GLDN: variants seen among roughly 807,000 people sequenced by gnomAD.
GLDN encodes collomin.
A neutral mutation model predicts 56.5 loss-of-function variants in GLDN; 47 were observed. The ratio of observed to expected loss-of-function variants is 0.83; its 90% confidence interval spans 0.66 to 1.06. The LOEUF (loss-of-function observed/expected upper bound fraction) is 1.06. GLDN is among the 50% of genes least tolerant of loss of function. The pLI is 0.00. For synonymous variants in GLDN, 332 were observed against 278.8 expected, an observed-to-expected ratio of 1.19 and a Z score of -1.90; for missense variants, 782 against 714.3, an observed-to-expected ratio of 1.09 and a Z score of -1.08.
Position 51,404,923 on chromosome 15 carries a change from T to C in GLDN, c.*169T>C. Reference sequence around the variant, plus strand: ...AGTGAAATAGCAACAGATTGGAAGTTGAAATGGCTGAGATTTGGTGATCTC... The same window carrying C: ...AGTGAAATAGCAACAGATTGGAAGTCGAAATGGCTGAGATTTGGTGATCTC... On this transcript the variant is annotated 3_prime_UTR_variant, in exon 10 of 10. Transcript: ENST00000335449. The C allele has an allele frequency of 1.7e-6, 1 of 594,812 alleles. No homozygotes were observed. The allele number at this position is 594,812 out of a possible 1,614,324, so 36.8% of individuals were successfully genotyped here. A position where few individuals can be genotyped will look rare whatever the true frequency, so the allele number is the denominator to read the frequency against.
At chr15:51,351,371 C>T (rs191245751) in intron 1 of GLDN, among the ~76,000 whole-genome samples, 57 of 152,126 alleles carry the variant, frequency 3.7e-4, no homozygotes, top group Admixed American at 5.9e-4. Context: ...GCCACTATGC[C>T]GGGGAAAAAA....
rs1049059514 is a variant in GLDN at position 51,404,935 on chromosome 15, G to C, written c.*181G>C. Reference sequence around the variant, plus strand: ...ACAGATTGGAAGTTGAAATGGCTGAGATTTGGTGATCTCCCCACAGCTGGC... The same window carrying C: ...ACAGATTGGAAGTTGAAATGGCTGACATTTGGTGATCTCCCCACAGCTGGC... On this transcript the variant is annotated 3_prime_UTR_variant, in exon 10 of 10. Transcript: ENST00000335449. 5.2e-6 allele frequency: 3 copies of C among 574,498 alleles called. No individual in the cohort carries two copies. The highest frequency in any genetic ancestry group is 2.1e-5 in the South Asian group (1 of 48,154). The allele number at this position is 574,498 out of a possible 1,614,324, so 35.6% of individuals were successfully genotyped here.
Position 51,404,370 on chromosome 15 carries a change from C to T in GLDN, c.1272C>T (p.Tyr424=), listed in dbSNP as rs1195084104. ...RKYLFANSKT[Y]FNLAVDEKGL... ...ACCTTTTTGCAAATTCCAAAACTTA[C>T]TTCAATCTAGCTGTAGATGAAAAGG... Residue 424 remains tyrosine, a synonymous_variant, in exon 10 of 10, where the codon TAC becomes TAT. Transcript: ENST00000335449. The T allele has an allele frequency of 1.2e-6, 2 of 1,613,976 alleles. No individual in the cohort carries two copies. Among genetic ancestry groups the T allele is most frequent in the Non-Finnish European group, 1.7e-6 (2 of 1,180,018 alleles).
chr15:51,400,358 C>A lies in GLDN; in HGVS notation c.902-15C>A. Reference sequence around the variant, plus strand: ...ATTGGCAGGCAAGTGACTTTCTTTTCTCTTCTTTTGGCAGAATCCATGATC... The same window carrying A: ...ATTGGCAGGCAAGTGACTTTCTTTTATCTTCTTTTGGCAGAATCCATGATC... On this transcript the variant is annotated splice_polypyrimidine_tract_variant and intron_variant, in intron 7 of 9. Transcript: ENST00000335449. 62 of 1,614,156 alleles carry A rather than the reference C, an allele frequency of 3.8e-5. No individual in the cohort carries two copies. Among genetic ancestry groups the A allele is most frequent in the Non-Finnish European group, 5.2e-5 (61 of 1,180,024 alleles).
intron 1 of GLDN, among the ~76,000 whole-genome samples, chr15:51,348,353 G>A (rs2037016257): frequency 6.6e-6 from 1 of 151,228 alleles, no homozygotes; most frequent in Non-Finnish European, 1.5e-5. Context: ...TTATTTTAGA[G>A]ACAAGGTCTT....
chr15:51,345,751 CAG>C (rs1354724093), intron 1 of GLDN, among the ~76,000 whole-genome samples: 1 of 151,842 alleles, frequency 6.6e-6, no homozygotes, highest in Non-Finnish European at 1.5e-5. Flanking sequence ...GAGGACCAGC[CAG>C]AGCAACAAGA....
chr15:51,391,295 G>C (rs988863557), intron 4 of GLDN, among the ~76,000 whole-genome samples: 4 of 152,116 alleles, frequency 2.6e-5, no homozygotes, highest in Non-Finnish European at 4.4e-5. Context: ...TGGCCTTTCC[G>C]AGAAAGAAAA....
intron 4 of GLDN, among the ~76,000 whole-genome samples, chr15:51,387,976 G>A (rs1292341758): frequency 2.6e-5 from 4 of 152,154 alleles, no homozygotes; most frequent in Non-Finnish European, 5.9e-5. Flanking sequence ...AACAGGCCAA[G>A]CTCACCCTTG....
chr15:51,365,782 G>C (rs1217923145), intron 1 of GLDN, among the ~76,000 whole-genome samples: 1 of 150,882 alleles, frequency 6.6e-6, no homozygotes, highest in African/African-American at 2.5e-5. Context: ...TTCATTCTTG[G>C]GTTCTTCTTC....
At chr15:51,389,489 G>T (rs2037970324) in intron 4 of GLDN, among the ~76,000 whole-genome samples, 1 of 152,176 alleles carries the variant, frequency 6.6e-6, no homozygotes, top group Admixed American at 6.5e-5. Context: ...AGGCAATACT[G>T]CCAGAAGAAA....
chr15:51,374,216 T>A (rs951741771), intron 1 of GLDN, among the ~76,000 whole-genome samples: 1 of 152,230 alleles, frequency 6.6e-6, no homozygotes, highest in African/African-American at 2.4e-5. Context: ...GAAAGGCTAA[T>A]TTTCCCTATT....
intron 4 of GLDN, among the ~76,000 whole-genome samples, chr15:51,393,647 C>G (rs1047808087): frequency 6.6e-6 from 1 of 152,202 alleles, no homozygotes; most frequent in African/African-American, 2.4e-5. Flanking sequence ...CTAGCCGTCT[C>G]CTTCTCCCCA....
chr15:51,389,656 G>GA (rs1222562220), intron 4 of GLDN, among the ~76,000 whole-genome samples: 2 of 152,142 alleles, frequency 1.3e-5, no homozygotes, highest in African/African-American at 4.8e-5. Flanking sequence ...GGGAAAGGCG[G>GA]GGGAACAGGG....
intron 1 of GLDN, among the ~76,000 whole-genome samples, chr15:51,366,111 G>T (rs2037396280): frequency 6.6e-6 from 1 of 152,186 alleles, no homozygotes; most frequent in Non-Finnish European, 1.5e-5. Context: ...AGGGTCAGCT[G>T]CAGTAGTTAA....
chr15:51,387,273 C>T (rs12899040), intron 4 of GLDN, among the ~76,000 whole-genome samples: 49,612 of 152,072 alleles, frequency 0.33, 9,188 homozygotes, highest in Non-Finnish European at 0.42. Flanking sequence ...TGGGGAACTA[C>T]AAAAGACACA....
chr15:51,374,920 T>G (rs1489837718), intron 1 of GLDN, among the ~76,000 whole-genome samples: 1 of 151,986 alleles, frequency 6.6e-6, no homozygotes, highest in East Asian at 1.9e-4. Context: ...AATTTTTTCA[T>G]GGAGAAAGGG....
downstream of GLDN, among the ~76,000 whole-genome samples, chr15:51,408,678 T>C (rs1285477705): frequency 2.0e-5 from 3 of 152,164 alleles, no homozygotes; most frequent in East Asian, 5.8e-4. Context: ...ATGCTATCCG[T>C]CCACCCCACC....
chr15:51,403,547 A>G, intron 9 of GLDN, among the ~76,000 whole-genome samples: 1 of 152,166 alleles, frequency 6.6e-6, no homozygotes, highest in Middle Eastern at 3.2e-3. Flanking sequence ...CACTTTTACA[A>G]TACAGCCTAG....
Position 51,401,527 on chromosome 15 carries a change from G to C in GLDN, c.1028-66G>C. On this transcript the variant is annotated intron_variant, in intron 8 of 9. Coordinates refer to ENST00000335449, the MANE Select transcript of GLDN (RefSeq NM_181789.4). ...TTCCCGCCTTTGAAATTCCTCCCAA[G>C]GACTCCCTCCCAAGCTGTGATTGCT... 5 of 1,466,590 alleles carry C rather than the reference G, an allele frequency of 3.4e-6. 1 individual carries two copies. In the South Asian group the frequency reaches 6.3e-5, roughly 18 times the overall value. The allele number at this position is 1,466,590 out of a possible 1,614,324, so 90.8% of individuals were successfully genotyped here.
Sources: gnomAD v4.1 joint callset for allele counts (sites outside exome capture counted in the v4.1 genomes callset) on GRCh38, gnomAD v4.1.1 for gene constraint, MANE v1.5 for transcripts, NCBI Gene and HGNC (gene_info 2026-07-23, HGNC 2026-07-21) for gene names.